Variants in PHKB observed in about 807,000 individuals in gnomAD.
The protein encoded by PHKB is phosphorylase b kinase regulatory subunit beta.
PHKB carries 122 observed loss-of-function variants against 152.1 expected under a neutral mutation model. That is an observed-to-expected ratio of 0.80 (90% CI 0.69 to 0.93). The LOEUF is 0.93. Among genes scored for constraint, PHKB ranks in the 40% least tolerant of loss-of-function variants. The pLI is 0.00. For synonymous variants in PHKB, 436 were observed against 464.9 expected, an observed-to-expected ratio of 0.94 and a Z score of 0.80; for missense variants, 1,304 against 1,328.4, an observed-to-expected ratio of 0.98 and a Z score of 0.29.
chr16:47,478,163 T>A lies in PHKB; in HGVS notation c.76+16737T>A, dbSNP rs543542470. Reference sequence around the variant, plus strand: ...TACCTTAGACCTCTTTAAAGCAGAGTCTAGCAATTATCATGTATTTAATTT... The same window carrying A: ...TACCTTAGACCTCTTTAAAGCAGAGACTAGCAATTATCATGTATTTAATTT... On this transcript the variant is annotated intron_variant, in intron 1 of 30. Coordinates refer to ENST00000323584, the MANE Select transcript of PHKB (RefSeq NM_000293.3). 3.3e-4 allele frequency among the ~76,000 whole-genome samples: 50 copies of A among 152,188 alleles called. No homozygotes were observed. The South Asian group carries it at 9.7e-3, about 30-fold the overall frequency.
Position 47,669,476 on chromosome 16 carries a change from C to G in PHKB, c.2630+59C>G. Reference sequence around the variant, plus strand: ...ATTGTTCAAGTTGTCCTCTAACAGACCCGGCCTCTCCAAGTGAAGCAATGT... The same window carrying G: ...ATTGTTCAAGTTGTCCTCTAACAGAGCCGGCCTCTCCAAGTGAAGCAATGT... On this transcript the variant is annotated intron_variant, in intron 26 of 30. Coordinates refer to ENST00000323584, the MANE Select transcript of PHKB (RefSeq NM_000293.3). 3 of 1,458,022 alleles carry G rather than the reference C, an allele frequency of 2.1e-6. No homozygotes were observed. In the East Asian group the frequency reaches 6.8e-5, roughly 33 times the overall value. 90.3% of individuals were successfully genotyped at this position (1,458,022 alleles called of 1,614,324 possible). A position where few individuals can be genotyped will look rare whatever the true frequency, so the allele number is the denominator to read the frequency against.
intron 7 of PHKB, among the ~76,000 whole-genome samples, chr16:47,576,838 ATTG>A (rs781080885): frequency 6.6e-6 from 1 of 151,958 alleles, no homozygotes; most frequent in Non-Finnish European, 1.5e-5. Flanking sequence ...GCATGTCTAT[ATTG>A]TTATATTTGA....
At chr16:47,671,983 G>A (rs1973646033) in intron 26 of PHKB, among the ~76,000 whole-genome samples, 1 of 152,102 alleles carries the variant, frequency 6.6e-6, no homozygotes, top group Non-Finnish European at 1.5e-5. Context: ...ATATATCTGT[G>A]TAATGTATGT....
In PHKB at chr16:47,461,373, C is replaced by T. The variant is rs768309023; in HGVS notation, c.23C>T (p.Thr8Met). 42 of 1,612,150 alleles carry T rather than the reference C, an allele frequency of 2.6e-5. No individual in the cohort carries two copies. Among genetic ancestry groups the T allele is most frequent in the Admixed American group, 5.0e-5 (3 of 59,944 alleles). Residue 8 changes from threonine to methionine, a missense_variant, in exon 1 of 31, where the codon ACG becomes ATG. By Grantham distance (81) the Thr-to-Met change is moderately conservative (BLOSUM62 -1). Transcript: ENST00000323584. MAGAAGL[T>M]AEVSWKVLER... The stretch of plus-strand genomic sequence containing the variant: ...GCGATGGCGGGGGCGGCGGGACTCA[C>T]GGCAGAAGTGAGCTGGAAGGTCTTG...
At chr16:47,511,149 A>T (rs1597043581) in intron 4 of PHKB, among the ~76,000 whole-genome samples, 1 of 152,218 alleles carries the variant, frequency 6.6e-6, no homozygotes, top group East Asian at 1.9e-4. Flanking sequence ...AGAGTACAAT[A>T]TATATGGAAG....
intron 13 of PHKB, 90 bp downstream of exon 13, chr16:47,596,621 T>C: frequency 7.8e-7 from 1 of 1,286,248 alleles, no homozygotes; most frequent in Non-Finnish European, 1.1e-6. Flanking sequence ...ATGTTGGATT[T>C]GGGTGGTGTT....
At chr16:47,632,654 A>G (rs1362364280) in intron 14 of PHKB, among the ~76,000 whole-genome samples, 2 of 152,238 alleles carry the variant, frequency 1.3e-5, no homozygotes, top group African/African-American at 4.8e-5. Flanking sequence ...AAACTTTTTC[A>G]TAATTGTTAA....
intron 14 of PHKB, among the ~76,000 whole-genome samples, chr16:47,636,140 G>A (rs934577303): frequency 6.6e-6 from 1 of 152,180 alleles, no homozygotes; most frequent in Non-Finnish European, 1.5e-5. Flanking sequence ...TTGATGATGA[G>A]GAGTTGAGTT....
intron 26 of PHKB, among the ~76,000 whole-genome samples, chr16:47,687,636 CAAT>C (rs1973987790): frequency 1.3e-5 from 2 of 152,176 alleles, no homozygotes; most frequent in Admixed American, 6.5e-5. Context: ...ATAGTATCAA[CAAT>C]AATAGTATTG....
At chr16:47,578,660 T>A (rs1371474471) in intron 7 of PHKB, among the ~76,000 whole-genome samples, 2 of 152,170 alleles carry the variant, frequency 1.3e-5, no homozygotes, top group Non-Finnish European at 2.9e-5. Flanking sequence ...GTGTGACCTC[T>A]TGATTGGTGA....
At chr16:47,556,609 G>A (rs1465085897) in intron 7 of PHKB, among the ~76,000 whole-genome samples, 1 of 152,162 alleles carries the variant, frequency 6.6e-6, no homozygotes, top group Non-Finnish European at 1.5e-5. Context: ...TTGCATCCCA[G>A]GGATGAAGCC....
chr16:47,607,918 G>A (rs1391097020), intron 13 of PHKB, among the ~76,000 whole-genome samples: 1 of 152,008 alleles, frequency 6.6e-6, no homozygotes, highest in African/African-American at 2.4e-5. Flanking sequence ...GTTTTGATTA[G>A]CATTTCCCAA....
At chr16:47,622,002 A>G (rs1194863770) in intron 14 of PHKB, among the ~76,000 whole-genome samples, 1 of 152,230 alleles carries the variant, frequency 6.6e-6, no homozygotes, top group Non-Finnish European at 1.5e-5. Context: ...AAGTTTCAAT[A>G]ATAGGCATGA....
At chr16:47,682,052 G>C (rs1384889772) in intron 26 of PHKB, among the ~76,000 whole-genome samples, 1 of 152,100 alleles carries the variant, frequency 6.6e-6, no homozygotes, top group Non-Finnish European at 1.5e-5. Flanking sequence ...ATTAAATTCT[G>C]GGTTGAAAAT....
At chr16:47,679,264 G>A (rs949053103) in intron 26 of PHKB, among the ~76,000 whole-genome samples, 1 of 152,096 alleles carries the variant, frequency 6.6e-6, no homozygotes, top group Non-Finnish European at 1.5e-5. Flanking sequence ...CTCTTTTTTG[G>A]TTCTATATGT....
At chr16:47,668,536 A>C (rs577303839) in intron 25 of PHKB, among the ~76,000 whole-genome samples, 22 of 152,292 alleles carry the variant, frequency 1.4e-4, no homozygotes, top group African/African-American at 5.3e-4. Context: ...AGAGAGAGAG[A>C]CCAGCTTATT....
At chr16:47,479,296 A>G (rs1969924142) in intron 1 of PHKB, among the ~76,000 whole-genome samples, 1 of 152,168 alleles carries the variant, frequency 6.6e-6, no homozygotes, top group African/African-American at 2.4e-5. Flanking sequence ...GATGAACAAG[A>G]TGTTAGTTTT....
At chr16:47,654,883 C>T (rs947087813) in intron 20 of PHKB, among the ~76,000 whole-genome samples, 2 of 151,782 alleles carry the variant, frequency 1.3e-5, no homozygotes, top group East Asian at 3.9e-4. Context: ...AGCACACCAA[C>T]ATGGCACATG....
rs190553794 is a variant in PHKB at position 47,526,022 on chromosome 16, T to C, written c.594+10421T>C. On this transcript the variant is annotated intron_variant, in intron 6 of 30. Coordinates refer to ENST00000323584, the MANE Select transcript of PHKB (RefSeq NM_000293.3). Reference sequence around the variant, plus strand: ...AGGGTAGATACATAATGGTCCAGTGTGAGAGCTAATCCGGGAAGTGGTTGG... The same window carrying C: ...AGGGTAGATACATAATGGTCCAGTGCGAGAGCTAATCCGGGAAGTGGTTGG... Among the ~76,000 whole-genome samples, 148 of 152,240 alleles carry C rather than the reference T, an allele frequency of 9.7e-4. 1 individual carries two copies. The highest frequency in any genetic ancestry group is 1.9e-3 in the Non-Finnish European group (131 of 68,024).
Sources: gnomAD v4.1 joint callset for allele counts (sites outside exome capture counted in the v4.1 genomes callset) on GRCh38, gnomAD v4.1.1 for gene constraint, MANE v1.5 for transcripts, NCBI Gene and HGNC (gene_info 2026-07-23, HGNC 2026-07-21) for gene names.